The following FRMPD1 variants were observed in gnomAD, a reference collection of about 807,000 sequenced individuals.
FRMPD1 encodes the protein FERM and PDZ domain containing 1.
In FRMPD1, 76 loss-of-function variants were observed where a neutral mutation model predicts 117.8. That is an observed-to-expected ratio of 0.65 (90% CI 0.54 to 0.78). The LOEUF (loss-of-function observed/expected upper bound fraction) is 0.78, where lower values mean the gene tolerates loss of function less well. Ranked by LOEUF, FRMPD1 falls within the 30% of genes least tolerant of loss-of-function variation. FRMPD1 has a pLI of 0.00. For synonymous variants in FRMPD1, 783 were observed against 770.4 expected (o/e 1.02, Z -0.27); for missense variants, 1,786 against 1,964.5 (o/e 0.91, Z 1.72).
At chr9:37,638,661 C>A in the FRMPD1 span, among the ~76,000 whole-genome samples, 2 of 152,194 alleles carry the variant, frequency 1.3e-5, no homozygotes, top group Non-Finnish European at 2.9e-5. Flanking sequence ...AAATCCTTTA[C>A]TCTTCAAAGT....
intron 1 of FRMPD1, among the ~76,000 whole-genome samples, chr9:37,659,161 C>T (rs554299797): frequency 2.6e-5 from 4 of 152,330 alleles, no homozygotes; most frequent in African/African-American, 9.6e-5. Flanking sequence ...CTACTACATC[C>T]AGCCAAGACT....
chr9:37,696,247 A>G (rs1822319993), intron 2 of FRMPD1, among the ~76,000 whole-genome samples: 1 of 151,798 alleles, frequency 6.6e-6, no homozygotes, highest in Admixed American at 6.6e-5. Context: ...AGGCACAGGG[A>G]GTCCATTCTC....
intron 1 of FRMPD1, among the ~76,000 whole-genome samples, chr9:37,685,383 C>T (rs993003027): frequency 6.6e-6 from 1 of 152,118 alleles, no homozygotes; most frequent in Non-Finnish European, 1.5e-5. Flanking sequence ...GTGGCTCACG[C>T]CTGTAATCCC....
Position 37,699,662 on chromosome 9 carries a change from T to C in FRMPD1, c.101+6920T>C, listed in dbSNP as rs375855934. Among the ~76,000 whole-genome samples the C allele has an allele frequency of 6.6e-5, 10 of 152,270 alleles. No homozygotes were observed. In the South Asian group the frequency reaches 8.3e-4, roughly 13 times the overall value. ...CTTATGCTTAATCTAGAAATGTTAG[T>C]TTTATAGAGCGAGATCTAAAGAAGC... On this transcript the variant is annotated intron_variant, in intron 2 of 15. Coordinates refer to ENST00000377765, the MANE Select transcript of FRMPD1 (RefSeq NM_014907.3).
chr9:37,711,453 G>A (rs1822908527), intron 5 of FRMPD1, 58 bp downstream of exon 5: 2 of 1,279,834 alleles, frequency 1.6e-6, no homozygotes, highest in Admixed American at 3.4e-5. Context: ...CTAAGACCCT[G>A]TTCCCCCAGA....
In FRMPD1 at chr9:37,740,487, T is replaced by C; in HGVS notation, c.1959T>C (p.Ser653=). ...AGGAGAGAAGCGGGATTGAAACCAGTGGCTTCCTCTGTCTCCTGGACCTGG... is the reference window on the plus strand; with the variant it reads ...AGGAGAGAAGCGGGATTGAAACCAGCGGCTTCCTCTGTCTCCTGGACCTGG... ...SQEERSGIET[S]GFLCLLDLAQ... Residue 653 remains serine, a synonymous_variant, in exon 15 of 16, where the codon AGT becomes AGC. Coordinates refer to ENST00000377765, the MANE Select transcript of FRMPD1 (RefSeq NM_014907.3). The surrounding 1 kb of genome is among the most constrained non-coding windows in gnomAD (Gnocchi z 4.2). 1 of 1,614,096 alleles carries C rather than the reference T, an allele frequency of 6.2e-7. No individual in the cohort carries two copies. The highest frequency in any genetic ancestry group is 8.5e-7 in the Non-Finnish European group (1 of 1,180,020).
chr9:37,640,498 G>A, the FRMPD1 span, among the ~76,000 whole-genome samples: 4 of 152,208 alleles, frequency 2.6e-5, no homozygotes, highest in Non-Finnish European at 4.4e-5. Flanking sequence ...AGCTTCATGG[G>A]AGGTGGCAGG....
chr9:37,705,394 C>T (rs1273613411), intron 2 of FRMPD1, among the ~76,000 whole-genome samples: 1 of 152,128 alleles, frequency 6.6e-6, no homozygotes, highest in Non-Finnish European at 1.5e-5. Context: ...GTGGCATGAT[C>T]TCAGCTCACT....
chr9:37,626,926 A>T, the FRMPD1 span, among the ~76,000 whole-genome samples: 1 of 152,168 alleles, frequency 6.6e-6, no homozygotes, highest in Admixed American at 6.5e-5. Context: ...TTCGAGCAGT[A>T]CTGGTTTAGA....
intron 1 of FRMPD1, among the ~76,000 whole-genome samples, chr9:37,651,770 A>G (rs1820682661): frequency 6.6e-6 from 1 of 152,236 alleles, no homozygotes; most frequent in African/African-American, 2.4e-5. Context: ...GACCTTGGGC[A>G]AGTGCCCCCT....
intron 6 of FRMPD1, among the ~76,000 whole-genome samples, chr9:37,720,130 C>T (rs1212011102): frequency 6.6e-6 from 1 of 152,204 alleles, no homozygotes; most frequent in Non-Finnish European, 1.5e-5. Flanking sequence ...TGCCCTGCTA[C>T]TTAATAGAGC....
At chr9:37,688,260 T>C (rs1005942135) in intron 1 of FRMPD1, among the ~76,000 whole-genome samples, 3 of 151,050 alleles carry the variant, frequency 2.0e-5, no homozygotes, top group African/African-American at 7.3e-5. Context: ...AAGCCAATAA[T>C]TGAATGCTAC....
chr9:37,660,990 A>G (rs1820986501), intron 1 of FRMPD1, among the ~76,000 whole-genome samples: 2 of 152,218 alleles, frequency 1.3e-5, no homozygotes, highest in African/African-American at 4.8e-5. Context: ...TCAAGAGCAT[A>G]TGTGGGCCTC....
intron 1 of FRMPD1, among the ~76,000 whole-genome samples, chr9:37,671,183 A>C (rs968803615): frequency 6.6e-6 from 1 of 152,172 alleles, no homozygotes; most frequent in Admixed American, 6.5e-5. Context: ...GCCTTTTCCT[A>C]CTCAGCCTCC....
At chr9:37,694,157 C>T (rs938986767) in intron 2 of FRMPD1, among the ~76,000 whole-genome samples, 1 of 152,180 alleles carries the variant, frequency 6.6e-6, no homozygotes, top group African/African-American at 2.4e-5. Context: ...CATTGTTTCC[C>T]ACAGTGGGGT....
chr9:37,629,185 C>T, the FRMPD1 span, among the ~76,000 whole-genome samples: 47 of 149,860 alleles, frequency 3.1e-4, no homozygotes, highest in African/African-American at 9.5e-4. Flanking sequence ...GGTGATAGAG[C>T]GAGACTCCAT....
chr9:37,616,355 G>T, the FRMPD1 span, among the ~76,000 whole-genome samples: 1 of 151,794 alleles, frequency 6.6e-6, no homozygotes, highest in Non-Finnish European at 1.5e-5. Flanking sequence ...AACCTCAAGT[G>T]ATCCATCCAC....
chr9:37,740,734 G>T lies in FRMPD1; in HGVS notation c.2206G>T (p.Ala736Ser), dbSNP rs777888332. The T allele has an allele frequency of 6.2e-7, 1 of 1,614,178 alleles. No homozygotes were observed. Among genetic ancestry groups the T allele is most frequent in the South Asian group, 1.1e-5 (1 of 91,088 alleles). ...TTCCCGGCAAGGGGGAGCCCCGCCAGCCTGGGGTCAGCAGGGCTGGACTGA... is the reference window on the plus strand; with the variant it reads ...TTCCCGGCAAGGGGGAGCCCCGCCATCCTGGGGTCAGCAGGGCTGGACTGA... ...TASRQGGAPP[A>S]WGQQGWTEAQ... is the part of the protein sequence containing the mutation. Residue 736 changes from alanine to serine, a missense_variant, in exon 15 of 16, where the codon GCC (alanine) becomes TCC (serine). By Grantham distance (99) the Ala-to-Ser change is moderately conservative. Coordinates refer to ENST00000377765, the MANE Select transcript of FRMPD1 (RefSeq NM_014907.3). This position sits in a 1 kb window ranked among gnomAD's most constrained non-coding sequence, Gnocchi z 4.2.
intron 2 of FRMPD1, among the ~76,000 whole-genome samples, chr9:37,704,527 A>G (rs1822635438): frequency 6.6e-6 from 1 of 152,074 alleles, no homozygotes; most frequent in Non-Finnish European, 1.5e-5. Flanking sequence ...AGTAGCCCCA[A>G]TTTGAAACCT....
Sources: allele counts gnomAD v4.1 joint callset (sites outside exome capture counted in the v4.1 genomes callset), GRCh38; gene constraint gnomAD v4.1.1; non-coding constraint Gnocchi (gnomAD v3.1); transcripts MANE v1.5; gene names NCBI Gene and HGNC (gene_info 2026-07-23, HGNC 2026-07-21).